Variants in SAMD7 observed in about 807,000 individuals in gnomAD.
SAMD7 encodes the protein sterile alpha motif domain containing 7.
A neutral mutation model predicts 36.7 loss-of-function variants in SAMD7; 34 were observed. That is an observed-to-expected ratio of 0.93 (90% CI 0.71 to 1.23). The LOEUF (loss-of-function observed/expected upper bound fraction) is 1.23, where lower values mean the gene tolerates loss of function less well. SAMD7 is among the 50% of genes most tolerant of loss of function. The pLI is 0.00. For missense variants in SAMD7, 570 were observed against 546.6 expected, an observed-to-expected ratio of 1.04 and a Z score of -0.43; for synonymous variants, 188 against 189.7, an observed-to-expected ratio of 0.99 and a Z score of 0.07.
intron 7 of SAMD7, among the ~76,000 whole-genome samples, chr3:169,931,820 A>C (rs1178071889): frequency 6.6e-6 from 1 of 152,084 alleles, no homozygotes; most frequent in Non-Finnish European, 1.5e-5. Flanking sequence ...GCCATGCTGC[A>C]TTGCACTGCA....
intron 7 of SAMD7, among the ~76,000 whole-genome samples, chr3:169,934,799 G>A (rs1178880366): frequency 6.6e-6 from 1 of 152,186 alleles, no homozygotes; most frequent in Non-Finnish European, 1.5e-5. Flanking sequence ...GAATCAGGAA[G>A]ACCAAAGGGA....
intron 7 of SAMD7, among the ~76,000 whole-genome samples, chr3:169,931,705 G>A (rs561616761): frequency 2.0e-4 from 30 of 152,152 alleles, no homozygotes; most frequent in Non-Finnish European, 2.9e-4. Flanking sequence ...GTTGGGGGAC[G>A]GCTGGCTCAG....
rs76888403 is a variant in SAMD7, at chr3:169,924,935, G to A, written c.212-123G>A. The A allele has an allele frequency of 0.011, 6,841 of 625,328 alleles. 343 individuals are homozygous for A. The African/African-American group carries it at 0.12, about 11-fold the overall frequency. The allele number at this position is 625,328 out of a possible 1,614,324, so 38.7% of individuals were successfully genotyped here. ...TCTGATACCATTTCCAAAATTGTGC[G>A]CAATTGCTGGTTTGTTTTTTTTTTT... is the stretch of plus-strand genomic sequence containing the variant. On this transcript the variant is annotated intron_variant, in intron 4 of 8. Coordinates refer to ENST00000335556, the MANE Select transcript of SAMD7 (RefSeq NM_001304366.2).
Position 169,938,669 on chromosome 3 carries a change from A to AG in SAMD7, c.*166dup. 1.8e-6 allele frequency: 1 copy of AG among 545,914 alleles called. No individual in the cohort carries two copies. Among genetic ancestry groups the AG allele is most frequent in the Non-Finnish European group, 3.2e-6 (1 of 312,594 alleles). 33.8% of individuals were successfully genotyped at this position (545,914 alleles called of 1,614,324 possible). A position where few individuals can be genotyped will look rare whatever the true frequency, so the allele number is the denominator to read the frequency against. The stretch of plus-strand genomic sequence containing the variant: ...GACTTGCCCAAGGGGCTTCCCTGCC[A>AG]GGGCTGAATGACCCCAGCACCAAAT... On this transcript the variant is annotated 3_prime_UTR_variant, in exon 9 of 9. Transcript: ENST00000335556.
chr3:169,932,793 C>G, intron 7 of SAMD7: 1 of 538,044 alleles, frequency 1.9e-6, no homozygotes, highest in Non-Finnish European at 3.6e-6. Flanking sequence ...GTGAAGAAAA[C>G]GTCCCTTTAT....
intron 4 of SAMD7, 109 bp downstream of exon 4, chr3:169,921,447 G>A: frequency 2.7e-6 from 3 of 1,125,992 alleles, no homozygotes; most frequent in South Asian, 2.9e-5. Flanking sequence ...GATCTGTGTG[G>A]TGGTTGTCTC....
intron 7 of SAMD7, among the ~76,000 whole-genome samples, chr3:169,934,026 G>T (rs368877781): frequency 6.6e-6 from 1 of 152,314 alleles, no homozygotes; most frequent in South Asian, 2.1e-4. Context: ...GGGACTTTGA[G>T]AGTAGTTCCC....
At chr3:169,922,100 A>G (rs1189611021) in intron 4 of SAMD7, among the ~76,000 whole-genome samples, 1 of 152,190 alleles carries the variant, frequency 6.6e-6, no homozygotes, top group Non-Finnish European at 1.5e-5. Context: ...GTTCTTGCGG[A>G]GGGAGAGAAT....
chr3:169,931,720 G>T (rs1030619867), intron 7 of SAMD7, among the ~76,000 whole-genome samples: 2 of 152,218 alleles, frequency 1.3e-5, no homozygotes, highest in Non-Finnish European at 2.9e-5. Context: ...GCTCAGCGCT[G>T]AGAGAGGTGG....
chr3:169,938,308 G>T lies in SAMD7; in HGVS notation c.1153-10G>T, dbSNP rs1245252898. ...TAGAATTGATTACTATAATTATTTT[G>T]TCTTAAAAGGTATCTCAGCATGTGG... is the stretch of plus-strand genomic sequence containing the variant. On this transcript the variant is annotated splice_polypyrimidine_tract_variant and intron_variant, in intron 8 of 8. Transcript: ENST00000335556. 2 of 1,563,534 alleles carry T rather than the reference G, an allele frequency of 1.3e-6. No homozygotes were observed. Among genetic ancestry groups the T allele is most frequent in the Non-Finnish European group, 8.8e-7 (1 of 1,141,750 alleles).
intron 2 of SAMD7, among the ~76,000 whole-genome samples, chr3:169,918,014 C>T (rs942189322): frequency 1.8e-4 from 28 of 151,890 alleles, no homozygotes; most frequent in East Asian, 7.8e-4. Context: ...CTCAGCTCAA[C>T]GCAACCTCCA....
rs534823106 is a variant in SAMD7 at position 169,933,118 on chromosome 3, G to C, written c.1042-3221G>C. 51 of 840,470 alleles carry C rather than the reference G, an allele frequency of 6.1e-5. No homozygotes were observed. The African/African-American group carries it at 7.2e-4, about 12-fold the overall frequency. 52.1% of individuals were successfully genotyped at this position (840,470 alleles called of 1,614,324 possible). Reference sequence around the variant, plus strand: ...CTCTCCCCAGTGCTCTCTGATCCTCGTCTGGACGCCATGGACCAGTGGCTC... The same window carrying C: ...CTCTCCCCAGTGCTCTCTGATCCTCCTCTGGACGCCATGGACCAGTGGCTC... On this transcript the variant is annotated intron_variant, in intron 7 of 8. Transcript: ENST00000335556.
chr3:169,932,825 G>A, intron 7 of SAMD7: 1 of 582,114 alleles, frequency 1.7e-6, no homozygotes, highest in Non-Finnish European at 3.3e-6. Context: ...GTGCCGCCTG[G>A]ACACCATTAA....
intron 5 of SAMD7, 76 bp from the exon 6 acceptor site, chr3:169,926,477 G>A (rs1713260436): frequency 7.1e-7 from 1 of 1,412,288 alleles, no homozygotes; most frequent in Non-Finnish European, 9.6e-7. Flanking sequence ...ACTATTTTAG[G>A]GAAGACAAGG....
At chr3:169,932,283 C>T in intron 7 of SAMD7, 1 of 777,742 alleles carries the variant, frequency 1.3e-6, no homozygotes, top group Non-Finnish European at 2.3e-6. Context: ...ATGCCATGGC[C>T]ACCAAGCAAA....
intron 7 of SAMD7, among the ~76,000 whole-genome samples, chr3:169,930,101 G>A (rs972106044): frequency 6.6e-6 from 1 of 152,194 alleles, no homozygotes; most frequent in African/African-American, 2.4e-5. Context: ...AGTCAGAAAA[G>A]TGCAATTTAT....
chr3:169,932,668 C>T, intron 7 of SAMD7: 1 of 555,434 alleles, frequency 1.8e-6, no homozygotes. Context: ...AAAAATCTGT[C>T]ACACTTTGGC....
At chr3:169,926,130 C>T (rs1713246513) in intron 5 of SAMD7, 3 of 532,416 alleles carry the variant, frequency 5.6e-6, no homozygotes, top group African/African-American at 2.0e-5. Flanking sequence ...CTGCTCTTCC[C>T]CAGCCACTTG....
At chr3:169,930,033 T>C (rs1158632077) in intron 7 of SAMD7, among the ~76,000 whole-genome samples, 1 of 152,240 alleles carries the variant, frequency 6.6e-6, no homozygotes, top group East Asian at 1.9e-4. Flanking sequence ...TTAATAAGCA[T>C]GTGATTGCTA....
Sources: gnomAD v4.1 joint callset for allele counts (sites outside exome capture counted in the v4.1 genomes callset) on GRCh38, gnomAD v4.1.1 for gene constraint, MANE v1.5 for transcripts, NCBI Gene and HGNC (gene_info 2026-07-23, HGNC 2026-07-21) for gene names.